DNAH1: variants seen among roughly 807,000 people sequenced by gnomAD.
DNAH1 encodes the protein axonemal beta dynein heavy chain 1.
A neutral mutation model predicts 484.3 loss-of-function variants in DNAH1; 327 were observed. The observed-to-expected ratio is 0.68, with a 90% CI of 0.62 to 0.74. DNAH1 has a LOEUF of 0.74. Among genes scored for constraint, DNAH1 ranks in the 30% least tolerant of loss-of-function variants. DNAH1 has a pLI of 0.00. For synonymous variants in DNAH1, 2,192 were observed against 2,191.9 expected (o/e 1.00, Z 0.00); for missense variants, 5,052 against 5,546.8 (o/e 0.91, Z 2.83).
chr3:52,311,687 A>G (rs1700763865), upstream of DNAH1, among the ~76,000 whole-genome samples: 1 of 152,140 alleles, frequency 6.6e-6, no homozygotes, highest in Admixed American at 6.5e-5. Context: ...GCTGGTCACA[A>G]AAGCTGGACC....
chr3:52,389,061 AAGCACTT>A, intron 59 of DNAH1, 124 bp downstream of exon 59: 1 of 1,212,882 alleles, frequency 8.2e-7, no homozygotes, highest in Non-Finnish European at 1.1e-6. Context: ...GTCATTCAAC[AAGCACTT>A]AGCAGGCTCC....
At position 52,352,620 on chromosome 3, in the gene DNAH1, G is replaced by A; in HGVS notation, c.2940G>A (p.Arg980=). The A allele has an allele frequency of 1.2e-6, 2 of 1,612,974 alleles. No homozygotes were observed. The highest frequency in any genetic ancestry group is 8.5e-7 in the Non-Finnish European group (1 of 1,179,726). The change falls in exon 18 of 78, where the codon CGG becomes CGA. Residue 980 remains arginine (R), a synonymous_variant. Coordinates refer to ENST00000420323, the MANE Select transcript of DNAH1 (RefSeq NM_015512.5). Reference sequence around the variant, plus strand: ...CACACGAGATCGCCAACGAGGTGCGGCGTGTCAAGAAGCAGCTGAAGGACT... The same window carrying A: ...CACACGAGATCGCCAACGAGGTGCGACGTGTCAAGAAGCAGCTGAAGGACT... ...SRAHEIANEV[R]RVKKQLKDCQ...
rs2153225442 is a variant in DNAH1 at position 52,388,399 on chromosome 3, T to C, written c.9172-19T>C. On this transcript the variant is annotated intron_variant, in intron 57 of 77. Transcript: ENST00000420323. ...CCGGGGGTACTTGGCGAGCTAATCC[T>C]GCGCCCTCCGCCCCACAGCAAGCCC... 2 of 1,606,264 alleles carry C rather than the reference T, an allele frequency of 1.2e-6. No homozygotes were observed. Among genetic ancestry groups the C allele is most frequent in the East Asian group, 2.2e-5 (1 of 44,568 alleles).
At chr3:52,392,799 T>TGTGGGGGGGGGGGGGGGGGGG in intron 64 of DNAH1, 31 bp from the exon 65 acceptor site, 1 of 1,274,374 alleles carries the variant, frequency 7.8e-7, no homozygotes, top group Non-Finnish European at 1.1e-6. Context: ...TTCTGCTCTT[T>TGTGGGGGGGGGGGGGGGGGGG]GACCCCTCCC....
intron 21 of DNAH1, 27 bp from the exon 22 acceptor site, chr3:52,356,587 A>G (rs755561383): frequency 2.5e-6 from 4 of 1,610,686 alleles, no homozygotes; most frequent in Non-Finnish European, 3.4e-6. Flanking sequence ...TCCATATCAC[A>G]CCCCTCCCTG....
Position 52,375,990 on chromosome 3 carries a change from G to A in DNAH1, c.7195G>A (p.Val2399Met). The change falls in exon 46 of 78, where the codon GTG (valine) becomes ATG (methionine). Residue 2399 changes from valine (V) to methionine (M), a missense_variant. Coordinates refer to ENST00000420323, the MANE Select transcript of DNAH1 (RefSeq NM_015512.5). ...LLGEKSYRERVPGAPHIAHFT... is the reference protein window; with the variant it reads ...LLGEKSYRERMPGAPHIAHFT... ...TGGAGAAAAAAGCTACCGGGAGCGT[G>A]TGCGTAAGTGTGGGCCTGGGCGGGA... The A allele has an allele frequency of 6.2e-7, 1 of 1,612,208 alleles. No homozygotes were observed. Among genetic ancestry groups the A allele is most frequent in the Non-Finnish European group, 8.5e-7 (1 of 1,179,422 alleles).
At position 52,350,042 on chromosome 3, in the gene DNAH1, C is replaced by T; in HGVS notation, c.2580C>T (p.Ser860=). 1 of 1,613,334 alleles carries T rather than the reference C, an allele frequency of 6.2e-7. No individual in the cohort carries two copies. Among genetic ancestry groups the T allele is most frequent in the Non-Finnish European group, 8.5e-7 (1 of 1,179,774 alleles). The change falls in exon 15 of 78, where the codon AGC becomes AGT. Residue 860 remains serine (S), a synonymous_variant. Transcript: ENST00000420323. ...GCAAGATCTATGAGAAGCCCAACAG[C>T]ATTGAGGAGCTGGCTGAGCTGCGAG... ...ISRKIYEKPN[S]IEELAELREW... is the part of the protein sequence containing the mutation.
chr3:52,385,260 A>T (rs1578187010), intron 53 of DNAH1, 77 bp from the exon 54 acceptor site: 1 of 1,420,146 alleles, frequency 7.0e-7, no homozygotes, highest in Non-Finnish European at 9.7e-7. Context: ...TCTCTCATGA[A>T]TGAGGGCGGC....
intron 48 of DNAH1, among the ~76,000 whole-genome samples, chr3:52,380,900 A>G (rs928315909): frequency 6.6e-6 from 1 of 152,224 alleles, no homozygotes; most frequent in African/African-American, 2.4e-5. Context: ...TTACAGGGTA[A>G]TTAGTCCAGA....
intron 18 of DNAH1, 123 bp from the exon 19 acceptor site, chr3:52,352,980 A>G (rs1207431976): frequency 3.7e-6 from 4 of 1,077,486 alleles, no homozygotes; most frequent in Non-Finnish European, 3.9e-6. Flanking sequence ...GTTTGGGGGC[A>G]CGGTCAGGGA....
chr3:52,395,295 C>A lies in DNAH1; in HGVS notation c.10969-13C>A. On this transcript the variant is annotated splice_polypyrimidine_tract_variant and intron_variant, in intron 68 of 77. Coordinates refer to ENST00000420323, the MANE Select transcript of DNAH1 (RefSeq NM_015512.5). This position sits in a 1 kb window ranked among gnomAD's most constrained non-coding sequence, Gnocchi z 4.4. ...GCCCCAGGTGGTCTCAGCATCTCCC[C>A]CTGCCCTTGCAGACAGCCAATCTGT... is the stretch of plus-strand genomic sequence containing the variant. 1 of 1,612,266 alleles carries A rather than the reference C, an allele frequency of 6.2e-7. No individual in the cohort carries two copies. The highest frequency in any genetic ancestry group is 2.2e-5 in the East Asian group (1 of 44,848).
rs1214030380 is a variant in DNAH1, at chr3:52,397,035, C to T, written c.11778C>T (p.Tyr3926=). The stretch of plus-strand genomic sequence containing the variant: ...TCTACCACCAGATCCCGCCTACCTA[C>T]GACCTCCACGTGAGTCCAGCCCAAA... ...SGIYHQIPPT[Y]DLHGYLSYIK... Residue 3926 remains tyrosine, a synonymous_variant, in exon 73 of 78, where the codon TAC becomes TAT. Coordinates refer to ENST00000420323, the MANE Select transcript of DNAH1 (RefSeq NM_015512.5). 8.7e-6 allele frequency: 14 copies of T among 1,604,190 alleles called. No individual in the cohort carries two copies. Among genetic ancestry groups the T allele is most frequent in the Admixed American group, 5.1e-5 (3 of 58,692 alleles).
intron 54 of DNAH1, among the ~76,000 whole-genome samples, chr3:52,385,656 G>T (rs1441811579): frequency 2.0e-5 from 3 of 152,268 alleles, no homozygotes; most frequent in Non-Finnish European, 2.9e-5. Context: ...CAGGGGGTCG[G>T]TGAGGAGCAA....
In DNAH1 at chr3:52,388,622, C is replaced by T; in HGVS notation, c.9363+13C>T. The T allele has an allele frequency of 6.2e-7, 1 of 1,612,170 alleles. No individual in the cohort carries two copies. The highest frequency in any genetic ancestry group is 8.5e-7 in the Non-Finnish European group (1 of 1,179,616). On this transcript the variant is annotated intron_variant, in intron 58 of 77. Coordinates refer to ENST00000420323, the MANE Select transcript of DNAH1 (RefSeq NM_015512.5). The stretch of plus-strand genomic sequence containing the variant: ...CCGAGCTGGCAAGGTGCGCACCCTC[C>T]TCCTGCAAGGCCTGCAAGCGGGCCC...
intron 8 of DNAH1, 33 bp from the exon 9 acceptor site, chr3:52,344,457 C>A: frequency 6.2e-7 from 1 of 1,604,840 alleles, no homozygotes; most frequent in Non-Finnish European, 8.5e-7. Context: ...GTGTGGAGCC[C>A]CTGATTCCCC....
In DNAH1 at chr3:52,379,376, A is replaced by G. The variant is rs532960468; in HGVS notation, c.7378-529A>G. On this transcript the variant is annotated intron_variant, in intron 47 of 77. Transcript: ENST00000420323. The surrounding 1 kb of genome is among the most constrained non-coding windows in gnomAD (Gnocchi z 4.4). ...CACGCTTGTAGCCAACAAAGTCTAC[A>G]GAAAAGGCTGGGAGCTTCCGGAGGG... 8.5e-5 allele frequency among the ~76,000 whole-genome samples: 13 copies of G among 152,284 alleles called. No homozygotes were observed. The highest frequency in any genetic ancestry group is 3.1e-4 in the African/African-American group (13 of 41,540).
intron 26 of DNAH1, 22 bp downstream of exon 26, chr3:52,359,408 G>C (rs1326064617): frequency 3.2e-6 from 5 of 1,563,744 alleles, no homozygotes; most frequent in Non-Finnish European, 3.5e-6. Context: ...GAGGACCCCT[G>C]TCTGTCCCCC....
In DNAH1 at chr3:52,356,686, A is replaced by T; in HGVS notation, c.3766A>T (p.Ile1256Phe). 1 of 1,613,900 alleles carries T rather than the reference A, an allele frequency of 6.2e-7. No individual in the cohort carries two copies. The highest frequency in any genetic ancestry group is 1.1e-5 in the South Asian group (1 of 91,074). The change falls in exon 22 of 78, where the codon ATC becomes TTC. Residue 1256 changes from isoleucine (I) to phenylalanine (F), a missense_variant. By Grantham distance (21) the Ile-to-Phe change is conservative. Around this residue, in one of 4 missense-constraint regions of DNAH1, gnomAD observed 2,929 missense variants for 3,409.4 expected, o/e 0.86. Transcript: ENST00000420323. ...GGAGCCCATCTTTAGCTCTGAGGAC[A>T]TCAACCAGCAGCTGCCTGTGGAGAG... ...YLEPIFSSED[I>F]NQQLPVESKR...
At chr3:52,385,818 G>C (rs182835281) in intron 54 of DNAH1, among the ~76,000 whole-genome samples, 167 of 152,312 alleles carry the variant, frequency 1.1e-3, no homozygotes, top group African/African-American at 3.2e-3. Flanking sequence ...TGTCCTGCTC[G>C]GCAAAGTCAG....
Sources: allele counts gnomAD v4.1 joint callset (sites outside exome capture counted in the v4.1 genomes callset), GRCh38; gene constraint gnomAD v4.1.1; regional missense constraint gnomAD v4.1.1; non-coding constraint Gnocchi (gnomAD v3.1); transcripts MANE v1.5; gene names NCBI Gene and HGNC (gene_info 2026-07-23, HGNC 2026-07-21).